WDR70: variants seen among roughly 807,000 people sequenced by gnomAD.
WDR70 encodes WD repeat domain 70.
WDR70 carries 53 observed loss-of-function variants against 88.6 expected under a neutral mutation model. The observed-to-expected ratio is 0.60, with a 90% CI of 0.48 to 0.75. The LOEUF (loss-of-function observed/expected upper bound fraction) is 0.75, where lower values mean the gene tolerates loss of function less well. WDR70 is among the 30% of genes least tolerant of loss of function. The pLI is 0.00. For synonymous variants in WDR70, 280 were observed against 270.0 expected, an observed-to-expected ratio of 1.04 and a Z score of -0.36; for missense variants, 610 against 823.2, an observed-to-expected ratio of 0.74 and a Z score of 3.17.
At chr5:37,617,399 G>A (rs576799803) in intron 10 of WDR70, among the ~76,000 whole-genome samples, 5 of 152,266 alleles carry the variant, frequency 3.3e-5, no homozygotes, top group Middle Eastern at 6.8e-3. Flanking sequence ...ACTTAAAATG[G>A]GTGAATTTTA....
At chr5:37,483,719 T>G (rs77845325) in intron 8 of WDR70, among the ~76,000 whole-genome samples, 87,873 of 144,092 alleles carry the variant, frequency 0.61, 27,362 homozygotes, top group South Asian at 0.71. Flanking sequence ...GGCGGTGGCC[T>G]GGAGGAGGTG....
chr5:37,707,948 AATATATATATATATATATAT>A (rs70978841), intron 13 of WDR70, among the ~76,000 whole-genome samples: 433 of 33,686 alleles, frequency 0.013, 1 homozygote, highest in African/African-American at 0.02. Context: ...AAAAAAAAAA[AATATATATATATATATATAT>A]ATATATATAT....
chr5:37,700,158 A>T (rs1227290916), intron 11 of WDR70, among the ~76,000 whole-genome samples: 1 of 152,102 alleles, frequency 6.6e-6, no homozygotes, highest in Non-Finnish European at 1.5e-5. Flanking sequence ...TACTCTCCTC[A>T]CTTGCACCTG....
intron 5 of WDR70, among the ~76,000 whole-genome samples, chr5:37,432,742 G>T (rs2112026230): frequency 6.6e-6 from 1 of 151,794 alleles, no homozygotes; most frequent in South Asian, 2.1e-4. Context: ...TTGTATTTTA[G>T]TAGAGACGGG....
chr5:37,420,728 A>G (rs1419390107), intron 5 of WDR70, among the ~76,000 whole-genome samples: 1 of 152,164 alleles, frequency 6.6e-6, no homozygotes, highest in Non-Finnish European at 1.5e-5. Flanking sequence ...CCTGGCCAAC[A>G]TGGTGAAACC....
chr5:37,702,183 G>A (rs1221972106), intron 12 of WDR70, among the ~76,000 whole-genome samples: 1 of 152,208 alleles, frequency 6.6e-6, no homozygotes, highest in East Asian at 1.9e-4. Context: ...CATGTCTGCT[G>A]CCCATGGCAT....
At chr5:37,740,350 A>T (rs551795037) in intron 17 of WDR70, among the ~76,000 whole-genome samples, 3 of 152,368 alleles carry the variant, frequency 2.0e-5, no homozygotes, top group African/African-American at 7.2e-5. Context: ...AAATTCAAAG[A>T]TAAAAATTGC....
intron 13 of WDR70, among the ~76,000 whole-genome samples, chr5:37,704,313 A>G (rs13166663): frequency 3.5e-4 from 54 of 152,226 alleles, no homozygotes; most frequent in Non-Finnish European, 7.1e-4. Flanking sequence ...TCCAGAAATA[A>G]GCTGTGTTCT....
chr5:37,499,411 G>A (rs1740328122), intron 8 of WDR70, among the ~76,000 whole-genome samples: 1 of 151,550 alleles, frequency 6.6e-6, no homozygotes, highest in South Asian at 2.1e-4. Flanking sequence ...ACCACACCCG[G>A]CCTGTGTTTG....
intron 9 of WDR70, among the ~76,000 whole-genome samples, chr5:37,592,719 G>GA (rs879845379): frequency 2.0e-5 from 3 of 152,108 alleles, no homozygotes; most frequent in African/African-American, 7.2e-5. Context: ...CTGTGCTTGA[G>GA]AAAAAAGCAA....
intron 17 of WDR70, among the ~76,000 whole-genome samples, chr5:37,729,949 G>T (rs1205462099): frequency 6.6e-6 from 1 of 151,940 alleles, no homozygotes; most frequent in Non-Finnish European, 1.5e-5. Flanking sequence ...AGTTCCTGGT[G>T]TATCTTTCGG....
At chr5:37,380,889 C>T (rs1167515512) in intron 2 of WDR70, among the ~76,000 whole-genome samples, 6 of 152,132 alleles carry the variant, frequency 3.9e-5, no homozygotes, top group Non-Finnish European at 7.3e-5. Context: ...TCAAGCAGTC[C>T]GCCCACCTGA....
chr5:37,383,325 T>A (rs1240610048), intron 3 of WDR70, among the ~76,000 whole-genome samples: 1 of 152,054 alleles, frequency 6.6e-6, no homozygotes, highest in Non-Finnish European at 1.5e-5. Context: ...AATGGCGTGA[T>A]CTCAGCTCAC....
intron 7 of WDR70, among the ~76,000 whole-genome samples, chr5:37,459,504 G>T (rs1738933381): frequency 9.2e-6 from 1 of 108,148 alleles, no homozygotes; most frequent in Non-Finnish European, 2.0e-5. Flanking sequence ...AGCTGAAACT[G>T]GATCCCTTCC....
chr5:37,628,432 C>T (rs1238267749), intron 10 of WDR70, among the ~76,000 whole-genome samples: 4 of 152,116 alleles, frequency 2.6e-5, no homozygotes, highest in African/African-American at 9.7e-5. Flanking sequence ...TTGTTATATT[C>T]TCTTGCTGAA....
chr5:37,397,144 C>T (rs909293908), intron 5 of WDR70, among the ~76,000 whole-genome samples: 1 of 3,786 alleles, frequency 2.6e-4, no homozygotes, highest in African/African-American at 9.9e-4. Flanking sequence ...CTCAAACCGC[C>T]CCCCCCAACC....
intron 9 of WDR70, among the ~76,000 whole-genome samples, chr5:37,524,685 G>A (rs1171395818): frequency 6.6e-6 from 1 of 152,264 alleles, no homozygotes; most frequent in East Asian, 1.9e-4. Context: ...ACACAGACTG[G>A]CAAATTGGAT....
chr5:37,709,302 A>T (rs1334477572), intron 13 of WDR70, among the ~76,000 whole-genome samples: 2 of 152,206 alleles, frequency 1.3e-5, no homozygotes, highest in Non-Finnish European at 2.9e-5. Flanking sequence ...ATTATGTATT[A>T]TTTTGAATAA....
At chr5:37,736,975 T>C (rs1362590286) in intron 17 of WDR70, among the ~76,000 whole-genome samples, 2 of 152,142 alleles carry the variant, frequency 1.3e-5, no homozygotes, top group Non-Finnish European at 2.9e-5. Context: ...AGAAATATTA[T>C]TTGCTTAATA....
Sources: allele counts gnomAD v4.1 joint callset (sites outside exome capture counted in the v4.1 genomes callset), GRCh38; gene constraint gnomAD v4.1.1; transcripts MANE v1.5; gene names NCBI Gene and HGNC (gene_info 2026-07-23, HGNC 2026-07-21).